Variants in MYO16 observed in about 807,000 individuals in gnomAD.
MYO16 encodes unconventional myosin-XVI.
In MYO16, 94 loss-of-function variants were observed where a neutral mutation model predicts 205.3. That is an observed-to-expected ratio of 0.46 (90% CI 0.39 to 0.54). The LOEUF (loss-of-function observed/expected upper bound fraction) is 0.54, where lower values mean the gene tolerates loss of function less well. Among genes scored for constraint, MYO16 ranks in the 20% least tolerant of loss-of-function variants. The pLI is 0.00. For synonymous variants in MYO16, 988 were observed against 954.0 expected (o/e 1.04, Z -0.66); for missense variants, 2,315 against 2,387.5 (o/e 0.97, Z 0.63).
rs184327565 is a variant in MYO16 at position 108,686,187 on chromosome 13, C to A, written c.292+20038C>A. Among the ~76,000 whole-genome samples the A allele has an allele frequency of 2.0e-5, 3 of 152,182 alleles. No individual in the cohort carries two copies. In the East Asian group the frequency reaches 5.8e-4, roughly 30 times the overall value. On this transcript the variant is annotated intron_variant, in intron 2 of 34. Transcript: ENST00000457511. Reference sequence around the variant, plus strand: ...ATCCCACACCTGGCAGGAGTGGAGCCGCCTTGATGAGCATCCCTGTCATAC... The same window carrying A: ...ATCCCACACCTGGCAGGAGTGGAGCAGCCTTGATGAGCATCCCTGTCATAC...
At chr13:109,039,922 A>C (rs2139576295) in intron 23 of MYO16, among the ~76,000 whole-genome samples, 1 of 152,292 alleles carries the variant, frequency 6.6e-6, no homozygotes, top group African/African-American at 2.4e-5. Flanking sequence ...TAAAAATTAT[A>C]AACCTATAAT....
intron 7 of MYO16, among the ~76,000 whole-genome samples, chr13:108,815,967 T>G (rs1875570204): frequency 6.6e-6 from 1 of 152,182 alleles, no homozygotes; most frequent in Admixed American, 6.5e-5. Context: ...AGTAGATCAA[T>G]GGAACCTAAA....
At chr13:108,621,875 G>T (rs1879555903) in intron 1 of MYO16, among the ~76,000 whole-genome samples, 1 of 152,014 alleles carries the variant, frequency 6.6e-6, no homozygotes, top group Non-Finnish European at 1.5e-5. Context: ...TGCTATAATT[G>T]TCCTGTTTTA....
intron 2 of MYO16, among the ~76,000 whole-genome samples, chr13:108,670,977 C>G (rs1881962208): frequency 6.6e-6 from 1 of 152,122 alleles, no homozygotes; most frequent in Admixed American, 6.5e-5. Flanking sequence ...TTATGTATAG[C>G]AGTTTGTTTA....
chr13:108,737,137 C>T (rs1433841346), intron 4 of MYO16, among the ~76,000 whole-genome samples: 1 of 152,098 alleles, frequency 6.6e-6, no homozygotes, highest in Non-Finnish European at 1.5e-5. Flanking sequence ...ATTTCTTTCT[C>T]CTGCCTGATT....
chr13:109,021,596 TCTC>T (rs1407357950), intron 23 of MYO16, among the ~76,000 whole-genome samples: 1 of 152,134 alleles, frequency 6.6e-6, no homozygotes, highest in Non-Finnish European at 1.5e-5. Context: ...AAGGCAGGCT[TCTC>T]CTTTTCAGCC....
chr13:108,824,645 C>T (rs1174743328), intron 9 of MYO16, among the ~76,000 whole-genome samples: 1 of 152,020 alleles, frequency 6.6e-6, no homozygotes, highest in African/African-American at 2.4e-5. Flanking sequence ...ATTTAGAGCA[C>T]TTCATCCAGA....
At chr13:108,909,631 C>A (rs1260075925) in intron 15 of MYO16, among the ~76,000 whole-genome samples, 2 of 151,680 alleles carry the variant, frequency 1.3e-5, no homozygotes, top group Non-Finnish European at 2.9e-5. Context: ...ACTTTTTGAA[C>A]AGTGTAAGTT....
intron 3 of MYO16, among the ~76,000 whole-genome samples, chr13:108,722,955 C>T (rs909286321): frequency 7.9e-5 from 12 of 152,092 alleles, no homozygotes; most frequent in African/African-American, 2.9e-4. Context: ...TAAGAATTCG[C>T]ATTTGTCATT....
intron 21 of MYO16, among the ~76,000 whole-genome samples, chr13:108,998,201 C>G (rs1594457353): frequency 6.6e-6 from 1 of 152,202 alleles, no homozygotes; most frequent in East Asian, 1.9e-4. Flanking sequence ...ATACTCTTCA[C>G]ATGCGTTATC....
chr13:108,971,354 T>G (rs1313961437), intron 20 of MYO16, among the ~76,000 whole-genome samples: 1 of 10,096 alleles, frequency 9.9e-5, no homozygotes, highest in Non-Finnish European at 3.0e-4. Flanking sequence ...GTTGATTATA[T>G]ATATATATAT....
chr13:108,939,060 T>C (rs984481421), intron 16 of MYO16, among the ~76,000 whole-genome samples: 1 of 152,158 alleles, frequency 6.6e-6, no homozygotes, highest in Non-Finnish European at 1.5e-5. Flanking sequence ...TGTGGAGGCC[T>C]TTACCCCACT....
At chr13:108,787,177 G>A (rs2138927580) in intron 5 of MYO16, among the ~76,000 whole-genome samples, 1 of 152,314 alleles carries the variant, frequency 6.6e-6, no homozygotes, top group Middle Eastern at 3.4e-3. Flanking sequence ...TAAATAAAGA[G>A]TGTGGGAGGA....
intron 11 of MYO16, among the ~76,000 whole-genome samples, chr13:108,858,360 G>A (rs1878297657): frequency 6.6e-6 from 1 of 152,168 alleles, no homozygotes; most frequent in South Asian, 2.1e-4. Context: ...AAAATCACTA[G>A]TTTAACAGAA....
rs1268665048 is a variant in MYO16 at position 109,140,083 on chromosome 13, G to C, written c.4052-181G>C. On this transcript the variant is annotated intron_variant, in intron 31 of 34. Transcript: ENST00000457511. This position sits in a 1 kb window ranked among gnomAD's most constrained non-coding sequence, Gnocchi z 8.0. ...TCCAAGATCAAAACTCTCTTTTCTT[G>C]GGGGTGGTCTCAGGAGTTCGGGTTC... Among the ~76,000 whole-genome samples, 1 of 151,976 alleles carries C rather than the reference G, an allele frequency of 6.6e-6. No individual in the cohort carries two copies. Among genetic ancestry groups the C allele is most frequent in the Admixed American group, 6.5e-5 (1 of 15,270 alleles).
At chr13:108,911,764 G>A (rs985350975) in intron 16 of MYO16, among the ~76,000 whole-genome samples, 2 of 152,156 alleles carry the variant, frequency 1.3e-5, no homozygotes, top group Admixed American at 6.5e-5. Context: ...TATGGTAGTG[G>A]GGAGGTGGTG....
chr13:109,043,130 A>G (rs1886933902), intron 23 of MYO16, among the ~76,000 whole-genome samples: 1 of 152,248 alleles, frequency 6.6e-6, no homozygotes, highest in Admixed American at 6.5e-5. Flanking sequence ...TAAAAATGAC[A>G]GCACAATGTT....
intron 1 of MYO16, among the ~76,000 whole-genome samples, chr13:108,636,365 T>G (rs370975818): frequency 0.51 from 31,498 of 61,206 alleles, 6,906 homozygotes; most frequent in Middle Eastern, 0.58. Flanking sequence ...TTTTTTTTTT[T>G]TTTTTGTGTG....
intron 2 of MYO16, among the ~76,000 whole-genome samples, chr13:108,707,648 C>G (rs1024139113): frequency 6.6e-6 from 1 of 152,154 alleles, no homozygotes; most frequent in Admixed American, 6.5e-5. Context: ...GGGCCAAAGT[C>G]TCAATGGCAA....
Sources: gnomAD v4.1 joint callset for allele counts (sites outside exome capture counted in the v4.1 genomes callset) on GRCh38, gnomAD v4.1.1 for gene constraint, Gnocchi (gnomAD v3.1) non-coding constraint, MANE v1.5 for transcripts, NCBI Gene and HGNC (gene_info 2026-07-23, HGNC 2026-07-21) for gene names.